Variants in GATAD1 observed in about 807,000 individuals in gnomAD.
GATAD1 encodes the protein GATA zinc finger domain-containing protein 1.
Under a neutral mutation model 26.5 loss-of-function variants are expected in GATAD1, and 12 were observed. The ratio of observed to expected loss-of-function variants is 0.45; its 90% CI spans 0.29 to 0.73. The LOEUF (loss-of-function observed/expected upper bound fraction) is 0.73. Ranked by LOEUF, GATAD1 falls within the 30% of genes least tolerant of loss-of-function variation. The probability of loss-of-function intolerance (pLI) is 0.10; values close to 1 mark genes in which losing one functional copy is unlikely to be tolerated. For missense variants in GATAD1, 266 were observed against 342.1 expected (o/e 0.78, Z 1.75); for synonymous variants, 129 against 133.1 (o/e 0.97, Z 0.21).
At position 92,459,329 on chromosome 7, in the gene GATAD1, ATT is replaced by A; in HGVS notation, c.*2768_*2769del. On this transcript the variant is annotated 3_prime_UTR_variant, in exon 5 of 5. Transcript: ENST00000287957. ...AAAATGAACACAATGTAAAACATTT[ATT>A]AAAATGTAGACTTTTAAAAATCTAT... is the stretch of plus-strand genomic sequence containing the variant. The A allele has an allele frequency of 6.6e-6, 1 of 152,230 alleles. No individual in the cohort carries two copies. Among genetic ancestry groups the A allele is most frequent in the African/African-American group, 2.4e-5 (1 of 41,470 alleles). The allele number at this position is 152,230 out of a possible 1,614,324, so 9.4% of individuals were successfully genotyped here.
chr7:92,452,378 GC>G (rs1373402978), intron 3 of GATAD1, among the ~76,000 whole-genome samples: 2 of 152,230 alleles, frequency 1.3e-5, no homozygotes, highest in Non-Finnish European at 2.9e-5. Context: ...CTGGCAGGCA[GC>G]ACCATGGTGG....
At chr7:92,492,965 C>T in the GATAD1 span, 20 of 1,613,434 alleles carry the variant, frequency 1.2e-5, no homozygotes, top group East Asian at 4.5e-5. Context: ...GGAGTCCACT[C>T]GAGAGCAGCA....
Position 92,458,563 on chromosome 7 carries a change from C to T in GATAD1, c.*2001C>T, listed in dbSNP as rs1162881446. The T allele has an allele frequency of 2.6e-5, 4 of 152,140 alleles. No homozygotes were observed. The highest frequency in any genetic ancestry group is 4.4e-5 in the Non-Finnish European group (3 of 68,042). 9.4% of individuals were successfully genotyped at this position (152,140 alleles called of 1,614,324 possible). A position where few individuals can be genotyped will look rare whatever the true frequency, so the allele number is the denominator to read the frequency against. Reference sequence around the variant, plus strand: ...GAGAGGAGTGGGGTGTACTCACTTGCCTCCTCTTTTGTCCTGATTTAACCA... The same window carrying T: ...GAGAGGAGTGGGGTGTACTCACTTGTCTCCTCTTTTGTCCTGATTTAACCA... On this transcript the variant is annotated 3_prime_UTR_variant, in exon 5 of 5. Transcript: ENST00000287957.
the GATAD1 span, among the ~76,000 whole-genome samples, chr7:92,490,490 C>T: frequency 2.6e-5 from 4 of 151,920 alleles, no homozygotes; most frequent in African/African-American, 9.7e-5. Context: ...CAAAAATTAG[C>T]TGGGCATGGT....
At chr7:92,454,775 A>T in intron 4 of GATAD1, 90 bp downstream of exon 4, 1 of 860,080 alleles carries the variant, frequency 1.2e-6, no homozygotes, top group Non-Finnish European at 1.8e-6. Flanking sequence ...TTGGGCTGTC[A>T]GGACAAAATA....
At chr7:92,469,023 T>A in the GATAD1 span, 1 of 725,168 alleles carries the variant, frequency 1.4e-6, no homozygotes, top group African/African-American at 1.7e-5. Context: ...CTGCTAGAGG[T>A]CCTAAGAAGG....
chr7:92,451,891 A>G (rs1025967103), intron 3 of GATAD1, among the ~76,000 whole-genome samples: 1 of 152,250 alleles, frequency 6.6e-6, no homozygotes, highest in African/African-American at 2.4e-5. Flanking sequence ...CCAACAAGTC[A>G]TGGAGTGAGG....
chr7:92,471,685 C>CCCTTT, the GATAD1 span: 2 of 152,162 alleles, frequency 1.3e-5, no homozygotes, highest in Non-Finnish European at 2.9e-5. Flanking sequence ...TCTTCTATTT[C>CCCTTT]CCTTTCCTTT....
chr7:92,450,631 A>T (rs371489283), intron 2 of GATAD1, 70 bp from the exon 3 acceptor site: 5 of 972,404 alleles, frequency 5.1e-6, no homozygotes, highest in African/African-American at 3.2e-5. Flanking sequence ...CAGAACTCTC[A>T]TAGGGCTGGG....
At position 92,454,670 on chromosome 7, in the gene GATAD1, G is replaced by C; in HGVS notation, c.604G>C (p.Ala202Pro). The change falls in exon 4 of 5, where the codon GCC becomes CCC. Residue 202 changes from alanine to proline, a missense_variant. Ala to Pro is a conservative substitution (Grantham distance 27, BLOSUM62 -1). Coordinates refer to ENST00000287957, the MANE Select transcript of GATAD1 (RefSeq NM_021167.5). ...TAGCCCCAGAGACCAATTTGATCCC[G>C]CCTCCTATATCATAGGTAAGTTTGA... ...LSSPRDQFDP[A>P]SYIIGPEEDL... The C allele has an allele frequency of 1.9e-6, 3 of 1,591,896 alleles. No homozygotes were observed. The highest frequency in any genetic ancestry group is 2.6e-6 in the Non-Finnish European group (3 of 1,171,512).
At chr7:92,482,294 T>C in the GATAD1 span, among the ~76,000 whole-genome samples, 1 of 151,900 alleles carries the variant, frequency 6.6e-6, no homozygotes, top group East Asian at 1.9e-4. Flanking sequence ...GAATAGTGAG[T>C]TGTGGGGGAA....
At chr7:92,495,734 G>A in the GATAD1 span, among the ~76,000 whole-genome samples, 2 of 151,336 alleles carry the variant, frequency 1.3e-5, no homozygotes, top group Admixed American at 1.3e-4. Context: ...AATTGTACTC[G>A]GTGTTCAAAA....
rs761991100 is a variant in GATAD1 at position 92,448,757 on chromosome 7, G to A, written c.255G>A (p.Lys85=). The change falls in exon 2 of 5, where the codon AAG becomes AAA. Residue 85 remains lysine (K), a synonymous_variant. Transcript: ENST00000287957. ...TTAATTTGTTTGTGTAACAGAGTAA[G>A]CAGGAAATTCACAGGAGGTCTGCTC... ...SNGGGGGKQS[K]QEIHRRSARL... 5 of 1,611,822 alleles carry A rather than the reference G, an allele frequency of 3.1e-6. No individual in the cohort carries two copies. The highest frequency in any genetic ancestry group is 4.2e-6 in the Non-Finnish European group (5 of 1,177,952).
At chr7:92,450,413 G>A (rs1316164392) in intron 2 of GATAD1, 2 of 378,904 alleles carry the variant, frequency 5.3e-6, no homozygotes, top group Non-Finnish European at 4.8e-6. Flanking sequence ...TAACTGGAAT[G>A]TTTATGTGTA....
the GATAD1 span, among the ~76,000 whole-genome samples, chr7:92,479,540 A>G: frequency 6.6e-6 from 1 of 152,190 alleles, no homozygotes; most frequent in Non-Finnish European, 1.5e-5. Context: ...CTGGATGTAT[A>G]TGTGCAGGTC....
Position 92,447,691 on chromosome 7 carries a change from G to C in GATAD1, c.-39G>C, listed in dbSNP as rs1399281422. 4 of 1,414,956 alleles carry C rather than the reference G, an allele frequency of 2.8e-6. No homozygotes were observed. Among genetic ancestry groups the C allele is most frequent in the South Asian group, 1.5e-5 (1 of 66,874 alleles). The allele number at this position is 1,414,956 out of a possible 1,614,324, so 87.7% of individuals were successfully genotyped here. On this transcript the variant is annotated 5_prime_UTR_variant, in exon 1 of 5. Coordinates refer to ENST00000287957, the MANE Select transcript of GATAD1 (RefSeq NM_021167.5). ...GGCCGGGCTACCGTCCGCCATTCCC[G>C]TGTCTCTGCGCCCGCGGGGGCCGCC...
the GATAD1 span, chr7:92,493,160 A>ATATTTTT: frequency 8.0e-7 from 1 of 1,252,122 alleles, no homozygotes; most frequent in East Asian, 2.6e-5. Context: ...TTAACAAATA[A>ATATTTTT]AAAATAAAAT....
At chr7:92,450,321 C>G (rs1037404059) in intron 2 of GATAD1, 1 of 168,248 alleles carries the variant, frequency 5.9e-6, no homozygotes, top group Non-Finnish European at 1.3e-5. Flanking sequence ...TGAGGAGACA[C>G]TTTTTCACTT....
the GATAD1 span, among the ~76,000 whole-genome samples, chr7:92,474,084 C>G: frequency 6.6e-6 from 1 of 152,126 alleles, no homozygotes. Flanking sequence ...ATTTGCCCAG[C>G]TTTTCCCTTT....
Sources: allele counts gnomAD v4.1 joint callset (sites outside exome capture counted in the v4.1 genomes callset), GRCh38; gene constraint gnomAD v4.1.1; transcripts MANE v1.5; gene names NCBI Gene and HGNC (gene_info 2026-07-23, HGNC 2026-07-21).